The following FYB2 variants were observed in gnomAD, a reference collection of about 807,000 sequenced individuals.
The protein encoded by FYB2 is FYN-binding protein 2.
A neutral mutation model predicts 94.1 loss-of-function variants in FYB2; 103 were observed. That is an observed-to-expected ratio of 1.09 (90% CI 0.93 to 1.29). The LOEUF is 1.29. Ranked by LOEUF, FYB2 falls within the 50% of genes most tolerant of loss-of-function variation. The pLI, the probability that FYB2 is intolerant of heterozygous loss-of-function variation, is 0.00. For missense variants in FYB2, 896 were observed against 841.5 expected (o/e 1.06, Z -0.80); for synonymous variants, 293 against 287.9 (o/e 1.02, Z -0.18).
chr1:56,809,834 C>CT (rs1646726759), intron 1 of FYB2, among the ~76,000 whole-genome samples: 1 of 152,198 alleles, frequency 6.6e-6, no homozygotes, highest in African/African-American at 2.4e-5. Flanking sequence ...AATTCTGACT[C>CT]TTTCACCTTT....
At chr1:56,788,861 A>G in intron 3 of FYB2, 112 bp downstream of exon 3, 1 of 1,423,916 alleles carries the variant, frequency 7.0e-7, no homozygotes, top group South Asian at 1.2e-5. Context: ...ATAAGCAGTG[A>G]TGGATGTCCA....
intron 16 of FYB2, 131 bp downstream of exon 16, chr1:56,726,366 G>T: frequency 1.4e-6 from 1 of 724,948 alleles, no homozygotes; most frequent in Non-Finnish European, 2.3e-6. Context: ...CATGATGTAG[G>T]TGTTGTTATT....
chr1:56,747,157 A>G (rs925702792), intron 9 of FYB2, among the ~76,000 whole-genome samples: 1 of 151,970 alleles, frequency 6.6e-6, no homozygotes, highest in Admixed American at 6.6e-5. Context: ...AATATGAGTC[A>G]TTTATCAAAT....
chr1:56,766,015 T>A (rs1309440945), intron 5 of FYB2, among the ~76,000 whole-genome samples: 1 of 152,124 alleles, frequency 6.6e-6, no homozygotes, highest in African/African-American at 2.4e-5. Flanking sequence ...GATTGGAGCA[T>A]CCATTTGGCT....
chr1:56,770,329 C>T (rs947941032), intron 4 of FYB2, among the ~76,000 whole-genome samples: 3 of 152,168 alleles, frequency 2.0e-5, no homozygotes, highest in African/African-American at 4.8e-5. Flanking sequence ...TAACTCGCCT[C>T]TCTTCTTGCT....
At position 56,792,380 on chromosome 1, in the gene FYB2, T is replaced by C; in HGVS notation, c.433A>G (p.Lys145Glu). The C allele has an allele frequency of 6.2e-7, 1 of 1,614,106 alleles. No homozygotes were observed. The highest frequency in any genetic ancestry group is 8.5e-7 in the Non-Finnish European group (1 of 1,180,010). Residue 145 changes from lysine to glutamate, a missense_variant, in exon 2 of 20, where the codon AAG (lysine) becomes GAG (glutamate). Physicochemically the swap from Lys to Glu is moderately conservative, Grantham distance 56. Transcript: ENST00000343433. ...ATTTCACTTTTCTGAGATGAAACCTTCTCCCAGTTCCAGAGTTTGTTTCTG... is the reference window on the plus strand; with the variant it reads ...ATTTCACTTTTCTGAGATGAAACCTCCTCCCAGTTCCAGAGTTTGTTTCTG... ...SFRNKLWNWE[K>E]VSSQKSEMSS...
chr1:56,731,926 A>G (rs6656770), intron 15 of FYB2: 22,664 of 152,070 alleles, frequency 0.15, 2,753 homozygotes, highest in African/African-American at 0.32. Context: ...TTCTGGAATA[A>G]GACATGGATG....
intron 1 of FYB2, among the ~76,000 whole-genome samples, chr1:56,813,967 G>A (rs1646824772): frequency 6.6e-6 from 1 of 152,134 alleles, no homozygotes; most frequent in Admixed American, 6.5e-5. Flanking sequence ...CTGCCTCTGT[G>A]AGCAAGAAAA....
intron 5 of FYB2, among the ~76,000 whole-genome samples, chr1:56,759,289 A>T (rs1570034081): frequency 6.6e-6 from 1 of 152,174 alleles, no homozygotes; most frequent in East Asian, 1.9e-4. Context: ...ACAGTCATGC[A>T]TCGCTTAACA....
the FYB2 span, chr1:56,826,667 C>A: frequency 6.6e-6 from 1 of 152,354 alleles, no homozygotes. Flanking sequence ...TCTGTATTTC[C>A]ACAGTTCCTT....
At chr1:56,722,881 GTCCAGTGTCTAGC>G (rs1557578449) in intron 17 of FYB2, among the ~76,000 whole-genome samples, 11 of 152,016 alleles carry the variant, frequency 7.2e-5, no homozygotes, top group Non-Finnish European at 1.0e-4. Flanking sequence ...GTCTCTCTCA[GTCCAGTGTCTAGC>G]ACATGGAAGG....
chr1:56,786,306 G>A (rs1269179761), intron 4 of FYB2, among the ~76,000 whole-genome samples: 1 of 152,196 alleles, frequency 6.6e-6, no homozygotes, highest in East Asian at 1.9e-4. Flanking sequence ...CATTACTCTA[G>A]CAATGGAGAA....
chr1:56,748,350 G>C (rs746053911), intron 9 of FYB2, among the ~76,000 whole-genome samples: 30 of 152,002 alleles, frequency 2.0e-4, no homozygotes, highest in Non-Finnish European at 3.1e-4. Context: ...GTATTGCCTA[G>C]GTTTTCTTCT....
At chr1:56,801,683 A>G (rs988933414) in intron 1 of FYB2, among the ~76,000 whole-genome samples, 6 of 151,946 alleles carry the variant, frequency 3.9e-5, no homozygotes, top group African/African-American at 1.2e-4. Flanking sequence ...TGGTGCCCCA[A>G]CTCCAGCAAT....
At chr1:56,721,259 G>T (rs1304602651) in intron 17 of FYB2, among the ~76,000 whole-genome samples, 3 of 151,964 alleles carry the variant, frequency 2.0e-5, no homozygotes, top group Non-Finnish European at 4.4e-5. Context: ...TAGATTACAG[G>T]TACCTACTTC....
At chr1:56,770,889 T>C (rs1344870262) in intron 4 of FYB2, among the ~76,000 whole-genome samples, 3 of 152,152 alleles carry the variant, frequency 2.0e-5, no homozygotes, top group Non-Finnish European at 2.9e-5. Context: ...CCTAACCTCA[T>C]AGTGAACAGG....
intron 4 of FYB2, among the ~76,000 whole-genome samples, chr1:56,770,334 C>T (rs190108636): frequency 6.6e-6 from 1 of 152,274 alleles, no homozygotes; most frequent in African/African-American, 2.4e-5. Context: ...CGCCTCTCTT[C>T]TTGCTCTCTA....
intron 12 of FYB2, 60 bp downstream of exon 12, chr1:56,742,101 G>A (rs1644968141): frequency 1.4e-6 from 2 of 1,480,540 alleles, no homozygotes; most frequent in East Asian, 4.6e-5. Flanking sequence ...CTGAAACTCT[G>A]GCTTTACTAG....
At chr1:56,825,643 A>G in the FYB2 span, among the ~76,000 whole-genome samples, 1 of 152,182 alleles carries the variant, frequency 6.6e-6, no homozygotes, top group Non-Finnish European at 1.5e-5. Context: ...CCATGAAAAA[A>G]ATAGGGAATA....
Sources: allele counts gnomAD v4.1 joint callset (sites outside exome capture counted in the v4.1 genomes callset), GRCh38; gene constraint gnomAD v4.1.1; transcripts MANE v1.5; gene names NCBI Gene and HGNC (gene_info 2026-07-23, HGNC 2026-07-21).